The following STAC variants were observed in gnomAD, a reference collection of about 807,000 sequenced individuals.
STAC encodes SH3 and cysteine rich domain.
A neutral mutation model predicts 48.8 loss-of-function variants in STAC; 43 were observed. The ratio of observed to expected loss-of-function variants is 0.88; its 90% CI spans 0.69 to 1.14. The LOEUF (loss-of-function observed/expected upper bound fraction) is 1.14, where lower values mean the gene tolerates loss of function less well. Ranked by LOEUF, STAC falls within the 50% of genes most tolerant of loss-of-function variation. STAC has a pLI of 0.00. For missense variants in STAC, 497 were observed against 504.0 expected, an observed-to-expected ratio of 0.99 and a Z score of 0.13; for synonymous variants, 193 against 179.5, an observed-to-expected ratio of 1.07 and a Z score of -0.60.
Position 36,528,981 on chromosome 3 carries a change from A to T in STAC, c.1106A>T (p.Asn369Ile). The change falls in exon 10 of 11, where the codon AAT (asparagine) becomes ATT (isoleucine). Residue 369 changes from asparagine to isoleucine, a missense_variant. Transcript: ENST00000273183. ...CAGGGGCAGATAACACTGAAAGAGA[A>T]TCAGGTGAGTAAACCACACAAACAC... is the stretch of plus-strand genomic sequence containing the variant. Reference protein sequence around the residue: ...KEQGQITLKENQICVSSEEEQ... With the variant: ...KEQGQITLKEIQICVSSEEEQ... 6.2e-7 allele frequency: 1 copy of T among 1,603,068 alleles called. No homozygotes were observed. Among genetic ancestry groups the T allele is most frequent in the Non-Finnish European group, 8.5e-7 (1 of 1,173,810 alleles).
In STAC at chr3:36,490,183, AC is replaced by A. The variant is rs58941399; in HGVS notation, c.688-2967del. Among the ~76,000 whole-genome samples the A allele has an allele frequency of 8.5e-5, 13 of 152,306 alleles. No homozygotes were observed. The East Asian group carries it at 2.1e-3, about 25-fold the overall frequency. ...TTTGAGTGACACATTTACAGTGGCC[AC>A]AAGCCTGGATCTGAAGTTTGAAACA... On this transcript the variant is annotated intron_variant, in intron 5 of 10. Coordinates refer to ENST00000273183, the MANE Select transcript of STAC (RefSeq NM_003149.3).
chr3:36,515,210 G>C (rs1041274060), intron 8 of STAC, among the ~76,000 whole-genome samples: 1 of 152,150 alleles, frequency 6.6e-6, no homozygotes, highest in Admixed American at 6.6e-5. Context: ...AAAGTAGCCT[G>C]TGGTTCCATT....
rs1301274814 is a variant in STAC, at chr3:36,547,403, G to T, written c.*1114G>T. The T allele has an allele frequency of 2.0e-5, 3 of 152,656 alleles. No homozygotes were observed. Among genetic ancestry groups the T allele is most frequent in the Non-Finnish European group, 4.4e-5 (3 of 68,044 alleles). The allele number at this position is 152,656 out of a possible 1,614,324, so 9.5% of individuals were successfully genotyped here. On this transcript the variant is annotated 3_prime_UTR_variant, in exon 11 of 11. Coordinates refer to ENST00000273183, the MANE Select transcript of STAC (RefSeq NM_003149.3). ...CTAATGCTTCTTCCTTCAGAAAGTA[G>T]AGGAACTAGGGGCCCAATTAGCATC...
intron 1 of STAC, among the ~76,000 whole-genome samples, chr3:36,420,869 C>A (rs1700434165): frequency 6.6e-6 from 1 of 152,210 alleles, no homozygotes; most frequent in Non-Finnish European, 1.5e-5. Context: ...CTATACTAGT[C>A]ATTTTAACTC....
intron 10 of STAC, among the ~76,000 whole-genome samples, chr3:36,537,888 T>C (rs986549669): frequency 2.0e-5 from 3 of 152,050 alleles, no homozygotes; most frequent in Non-Finnish European, 4.4e-5. Flanking sequence ...TTTAAATTGA[T>C]GCATAGTTTT....
chr3:36,508,890 T>G (rs2125715864), intron 8 of STAC, among the ~76,000 whole-genome samples: 1 of 152,346 alleles, frequency 6.6e-6, no homozygotes, highest in South Asian at 2.1e-4. Context: ...TCTGCAACTT[T>G]TAATTGGGGC....
At chr3:36,479,152 C>T (rs1017282777) in intron 2 of STAC, among the ~76,000 whole-genome samples, 3 of 152,116 alleles carry the variant, frequency 2.0e-5, no homozygotes, top group Non-Finnish European at 4.4e-5. Context: ...CCTAAGAAAA[C>T]GTATGTGTAA....
At chr3:36,434,850 T>C (rs1407448058) in intron 1 of STAC, among the ~76,000 whole-genome samples, 2 of 152,340 alleles carry the variant, frequency 1.3e-5, no homozygotes, top group East Asian at 1.9e-4. Flanking sequence ...CCCTGACTAA[T>C]TGCCATATAA....
At chr3:36,438,987 C>T (rs1447272241) in intron 1 of STAC, among the ~76,000 whole-genome samples, 1 of 152,112 alleles carries the variant, frequency 6.6e-6, no homozygotes, top group East Asian at 1.9e-4. Flanking sequence ...CCCCAAAAAG[C>T]AGATTTGCTT....
intron 1 of STAC, among the ~76,000 whole-genome samples, chr3:36,416,766 T>A (rs1374515648): frequency 1.3e-5 from 2 of 152,224 alleles, no homozygotes; most frequent in Non-Finnish European, 2.9e-5. Flanking sequence ...GAGGGCTATA[T>A]TCCCCTGGGA....
At chr3:36,406,262 C>G (rs73057943) in intron 1 of STAC, among the ~76,000 whole-genome samples, 12,831 of 152,224 alleles carry the variant, frequency 0.084, 605 homozygotes, top group Middle Eastern at 0.12. Flanking sequence ...CTTTTGGGAA[C>G]AGGCCCTGGA....
At chr3:36,524,835 G>A (rs936334216) in intron 8 of STAC, among the ~76,000 whole-genome samples, 14 of 151,994 alleles carry the variant, frequency 9.2e-5, no homozygotes, top group Admixed American at 1.3e-4. Context: ...ATGTTAGAGA[G>A]TTACTACCTT....
chr3:36,401,472 A>C (rs1174124811), intron 1 of STAC, among the ~76,000 whole-genome samples: 80 of 152,162 alleles, frequency 5.3e-4, no homozygotes, highest in Non-Finnish European at 1.5e-5. Context: ...TCAAATTGGA[A>C]CTATAGTTAG....
At chr3:36,525,366 T>C (rs1027573513) in intron 8 of STAC, among the ~76,000 whole-genome samples, 2 of 152,192 alleles carry the variant, frequency 1.3e-5, no homozygotes, top group African/African-American at 4.8e-5. Context: ...GATTATAGCC[T>C]GTTATCCCAG....
chr3:36,388,056 T>G (rs111893184), intron 1 of STAC, among the ~76,000 whole-genome samples: 2 of 152,246 alleles, frequency 1.3e-5, no homozygotes, highest in African/African-American at 4.8e-5. Context: ...TGTTTAGTGA[T>G]GTAGATCATG....
chr3:36,481,794 C>T (rs527754268), intron 2 of STAC, among the ~76,000 whole-genome samples: 10 of 152,336 alleles, frequency 6.6e-5, no homozygotes, highest in Non-Finnish European at 1.0e-4. Context: ...TGGCCACCCA[C>T]GTCTCTTATT....
chr3:36,449,845 G>C (rs1376021351), intron 2 of STAC, among the ~76,000 whole-genome samples: 1 of 152,202 alleles, frequency 6.6e-6, no homozygotes, highest in East Asian at 1.9e-4. Context: ...GCCATCAAAA[G>C]AGAAGACAGG....
chr3:36,453,396 T>C (rs925573254), intron 2 of STAC, among the ~76,000 whole-genome samples: 3 of 152,088 alleles, frequency 2.0e-5, no homozygotes, highest in Non-Finnish European at 4.4e-5. Context: ...CGGGCCAGCG[T>C]GAGTTCCGGG....
At chr3:36,391,556 C>T (rs897933523) in intron 1 of STAC, among the ~76,000 whole-genome samples, 1 of 152,174 alleles carries the variant, frequency 6.6e-6, no homozygotes, top group Non-Finnish European at 1.5e-5. Context: ...GCTGTCACCC[C>T]GTTTCTTCTT....
Sources: gnomAD v4.1 joint callset for allele counts (sites outside exome capture counted in the v4.1 genomes callset) on GRCh38, gnomAD v4.1.1 for gene constraint, MANE v1.5 for transcripts, NCBI Gene and HGNC (gene_info 2026-07-23, HGNC 2026-07-21) for gene names.